The following PTPRG variants were observed in gnomAD, a reference collection of about 807,000 sequenced individuals.
PTPRG encodes protein tyrosine phosphatase receptor type G, also known as receptor-type tyrosine-protein phosphatase gamma.
A neutral mutation model predicts 165.3 loss-of-function variants in PTPRG; 102 were observed. The ratio of observed to expected loss-of-function variants is 0.62; its 90% CI spans 0.53 to 0.73. The LOEUF (loss-of-function observed/expected upper bound fraction) is 0.73, where lower values mean the gene tolerates loss of function less well. PTPRG is among the 30% of genes least tolerant of loss of function. PTPRG has a pLI of 0.00. For missense variants in PTPRG, 1,866 were observed against 1,861.4 expected, an observed-to-expected ratio of 1.00 and a Z score of -0.05; for synonymous variants, 675 against 669.5, an observed-to-expected ratio of 1.01 and a Z score of -0.13.
chr3:61,831,298 A>C (rs531031483), intron 2 of PTPRG, among the ~76,000 whole-genome samples: 1 of 152,308 alleles, frequency 6.6e-6, no homozygotes, highest in East Asian at 1.9e-4. Flanking sequence ...AGAGCATAAT[A>C]CCCATTTATG....
chr3:61,586,921 C>G (rs1182374212), intron 1 of PTPRG, among the ~76,000 whole-genome samples: 2 of 152,216 alleles, frequency 1.3e-5, no homozygotes, highest in African/African-American at 2.4e-5. Flanking sequence ...GCTTCCAGCT[C>G]TCTGCCCACA....
chr3:62,155,160 A>C (rs972058795), intron 6 of PTPRG, among the ~76,000 whole-genome samples: 1 of 152,182 alleles, frequency 6.6e-6, no homozygotes, highest in Non-Finnish European at 1.5e-5. Flanking sequence ...ATAGAACCCT[A>C]TGATTTGAAG....
chr3:61,748,195 G>A (rs1248532150), intron 1 of PTPRG, among the ~76,000 whole-genome samples: 1 of 152,176 alleles, frequency 6.6e-6, no homozygotes, highest in Non-Finnish European at 1.5e-5. Flanking sequence ...ACTGTTAGTG[G>A]CCCAAAGGAT....
intron 1 of PTPRG, among the ~76,000 whole-genome samples, chr3:61,605,967 A>G (rs566984788): frequency 1.3e-5 from 2 of 152,146 alleles, no homozygotes; most frequent in African/African-American, 4.8e-5. Flanking sequence ...ATGAGGTCCC[A>G]CCTCTGTCTT....
intron 2 of PTPRG, among the ~76,000 whole-genome samples, chr3:61,945,747 A>T (rs1379745511): frequency 6.6e-6 from 1 of 152,178 alleles, no homozygotes; most frequent in Non-Finnish European, 1.5e-5. Context: ...AATAAGATCA[A>T]CAATGGCTAC....
chr3:62,060,227 A>G (rs1365357647), intron 4 of PTPRG, among the ~76,000 whole-genome samples: 2 of 151,878 alleles, frequency 1.3e-5, no homozygotes, highest in South Asian at 2.1e-4. Flanking sequence ...AAAAAAAAAA[A>G]AAAAATCCTT....
At chr3:61,799,788 C>T (rs2035177283) in intron 2 of PTPRG, among the ~76,000 whole-genome samples, 1 of 152,196 alleles carries the variant, frequency 6.6e-6, no homozygotes, top group Admixed American at 6.5e-5. Context: ...CTATGTGCAG[C>T]TCACACTTTA....
intron 2 of PTPRG, among the ~76,000 whole-genome samples, chr3:61,838,270 T>C (rs2036528983): frequency 6.6e-6 from 1 of 152,202 alleles, no homozygotes; most frequent in East Asian, 1.9e-4. Context: ...CTACCTGAAA[T>C]CAGTTGAAGA....
At chr3:61,587,708 G>A (rs962207749) in intron 1 of PTPRG, among the ~76,000 whole-genome samples, 2 of 151,950 alleles carry the variant, frequency 1.3e-5, no homozygotes, top group African/African-American at 4.8e-5. Context: ...CCAGGCTGGA[G>A]TCCAGTGGCA....
chr3:61,837,535 A>T (rs1308418742), intron 2 of PTPRG, among the ~76,000 whole-genome samples: 1 of 152,230 alleles, frequency 6.6e-6, no homozygotes. Context: ...ACGGAGGTGC[A>T]GCCTGAATAG....
intron 1 of PTPRG, among the ~76,000 whole-genome samples, chr3:61,721,896 G>C (rs1461016780): frequency 6.6e-6 from 1 of 152,174 alleles, no homozygotes; most frequent in Non-Finnish European, 1.5e-5. Context: ...TATTGTTTCT[G>C]ACTTTCTGCT....
In PTPRG at chr3:61,975,207, C is replaced by T. The variant is rs1438824152; in HGVS notation, c.191-14418C>T. On this transcript the variant is annotated intron_variant, in intron 2 of 29. Coordinates refer to ENST00000474889, the MANE Select transcript of PTPRG (RefSeq NM_002841.4). The stretch of plus-strand genomic sequence containing the variant: ...AGAATTGGTGTGAAGGGTTAAAAAC[C>T]GTTTACTAGGGGAATGATCTTGGAC... Among the ~76,000 whole-genome samples, 6 of 152,102 alleles carry T rather than the reference C, an allele frequency of 3.9e-5. No individual in the cohort carries two copies. The South Asian group carries it at 6.2e-4, about 16-fold the overall frequency.
Position 62,236,521 on chromosome 3 carries a change from T to C in PTPRG, c.2375+5210T>C, listed in dbSNP as rs373183588. ...GGGATTATTAGCGGGTATGCTACTG[T>C]AAATTTAAATGAGGGCAGTGTGTAA... On this transcript the variant is annotated intron_variant, in intron 14 of 29. Coordinates refer to ENST00000474889, the MANE Select transcript of PTPRG (RefSeq NM_002841.4). Among the ~76,000 whole-genome samples the C allele has an allele frequency of 2.4e-4, 36 of 152,348 alleles. No individual in the cohort carries two copies. The East Asian group carries it at 5.0e-3, about 21-fold the overall frequency.
At chr3:61,976,441 T>A (rs2040508336) in intron 2 of PTPRG, among the ~76,000 whole-genome samples, 1 of 152,202 alleles carries the variant, frequency 6.6e-6, no homozygotes, top group South Asian at 2.1e-4. Flanking sequence ...CAACAGGTAA[T>A]GCAGTGTAAT....
chr3:61,840,185 G>A (rs1011460563), intron 2 of PTPRG, among the ~76,000 whole-genome samples: 5 of 152,076 alleles, frequency 3.3e-5, no homozygotes, highest in Non-Finnish European at 7.4e-5. Context: ...TAATTTATGT[G>A]ATTGTGACTT....
intron 8 of PTPRG, among the ~76,000 whole-genome samples, chr3:62,174,884 A>C (rs1430003918): frequency 6.6e-6 from 1 of 152,250 alleles, no homozygotes; most frequent in Non-Finnish European, 1.5e-5. Flanking sequence ...ATAGGAAAGT[A>C]TTAAGAAAAA....
At chr3:62,227,380 T>A (rs988120823) in intron 13 of PTPRG, among the ~76,000 whole-genome samples, 3 of 152,186 alleles carry the variant, frequency 2.0e-5, no homozygotes, top group African/African-American at 2.4e-5. Flanking sequence ...TACAGGTAAC[T>A]GTGAAGACGT....
intron 6 of PTPRG, among the ~76,000 whole-genome samples, chr3:62,142,408 T>C (rs1315142908): frequency 2.0e-5 from 3 of 152,042 alleles, no homozygotes; most frequent in African/African-American, 7.3e-5. Context: ...GTTCTGAGTG[T>C]TGGTCACACA....
In PTPRG at chr3:62,225,801, C is replaced by T. The variant is rs534577574; in HGVS notation, c.2289-5424C>T. On this transcript the variant is annotated intron_variant, in intron 13 of 29. Transcript: ENST00000474889. ...TCTCGCATAGCAGGGATTACAGGCA[C>T]CCACCACCACGCCCAGCTAATTTTT... is the stretch of plus-strand genomic sequence containing the variant. 1.6e-4 allele frequency among the ~76,000 whole-genome samples: 24 copies of T among 152,032 alleles called. 2 individuals carry two copies. In the South Asian group the frequency reaches 1.9e-3, roughly 12 times the overall value.
Sources: allele counts gnomAD v4.1 joint callset (sites outside exome capture counted in the v4.1 genomes callset), GRCh38; gene constraint gnomAD v4.1.1; transcripts MANE v1.5; gene names NCBI Gene and HGNC (gene_info 2026-07-23, HGNC 2026-07-21).